Variants in SH2D1B observed in about 807,000 individuals in gnomAD.
SH2D1B encodes SH2 domain-containing protein 1B.
Under a neutral mutation model 16.3 loss-of-function variants are expected in SH2D1B, and 11 were observed. The observed-to-expected ratio is 0.67, with a 90% CI of 0.42 to 1.11. SH2D1B has a LOEUF of 1.11. SH2D1B is among the 50% of genes most tolerant of loss of function. The probability of loss-of-function intolerance (pLI) is 0.00; values close to 1 mark genes in which losing one functional copy is unlikely to be tolerated. For missense variants in SH2D1B, 123 were observed against 153.1 expected (o/e 0.80, Z 1.04); for synonymous variants, 55 against 56.1 (o/e 0.98, Z 0.09).
intron 2 of SH2D1B, among the ~76,000 whole-genome samples, chr1:162,400,740 G>T (rs1326343899): frequency 2.0e-5 from 3 of 151,988 alleles, no homozygotes; most frequent in Non-Finnish European, 4.4e-5. Context: ...TTGAGGTCAG[G>T]AGTTTGAGAC....
In SH2D1B at chr1:162,411,949, C is replaced by G; in HGVS notation, c.68G>C (p.Gly23Ala). The change falls in exon 1 of 4, where the codon GGG becomes GCG. Residue 23 changes from glycine (G) to alanine (A), a missense_variant. By Grantham distance (60) the Gly-to-Ala change is moderately conservative. Coordinates refer to ENST00000367929, the MANE Select transcript of SH2D1B (RefSeq NM_053282.5). ...TCTTAAAAGAAAGTTGCCATCCACC[C>G]CTTCCTTGAGCAGCAAGGTCTCACA... ...QDCETLLLKEGVDGNFLLRDS... is the reference protein window; with the variant it reads ...QDCETLLLKEAVDGNFLLRDS... The G allele has an allele frequency of 6.2e-7, 1 of 1,614,180 alleles. No homozygotes were observed. Among genetic ancestry groups the G allele is most frequent in the Non-Finnish European group, 8.5e-7 (1 of 1,180,040 alleles).
intron 1 of SH2D1B, among the ~76,000 whole-genome samples, chr1:162,407,173 A>G (rs1324329610): frequency 6.6e-6 from 1 of 152,226 alleles, no homozygotes; most frequent in Non-Finnish European, 1.5e-5. Context: ...AGCCCCCAAT[A>G]TTTCAACGTA....
intron 1 of SH2D1B, among the ~76,000 whole-genome samples, chr1:162,409,573 C>T (rs1648745164): frequency 6.6e-6 from 1 of 151,900 alleles, no homozygotes; most frequent in Non-Finnish European, 1.5e-5. Context: ...CAGATCTTTT[C>T]CACTCTTTGT....
chr1:162,406,006 ATCG>A (rs1469028242), intron 1 of SH2D1B, among the ~76,000 whole-genome samples: 4 of 152,172 alleles, frequency 2.6e-5, no homozygotes, highest in Admixed American at 1.3e-4. Flanking sequence ...AGGAAATGGA[ATCG>A]ACTGCACCCT....
At chr1:162,406,114 G>A (rs1648648484) in intron 1 of SH2D1B, among the ~76,000 whole-genome samples, 1 of 152,148 alleles carries the variant, frequency 6.6e-6, no homozygotes, top group African/African-American at 2.4e-5. Context: ...TTGACCTCTG[G>A]CCTTATCACT....
intron 1 of SH2D1B, 143 bp downstream of exon 1, chr1:162,411,740 G>T: frequency 9.1e-7 from 1 of 1,094,176 alleles, no homozygotes; most frequent in Non-Finnish European, 1.3e-6. Flanking sequence ...TCCTCTCCTG[G>T]CAGTGTCCAT....
At chr1:162,408,124 G>A (rs146298722) in intron 1 of SH2D1B, among the ~76,000 whole-genome samples, 117 of 152,296 alleles carry the variant, frequency 7.7e-4, no homozygotes, top group Admixed American at 1.6e-3. Context: ...CGAGTGTCTA[G>A]CACACTGTCT....
rs1052539923 is a variant in SH2D1B at position 162,395,578 on chromosome 1, G to C, written c.*1702C>G. On this transcript the variant is annotated 3_prime_UTR_variant, in exon 4 of 4. Transcript: ENST00000367929. ...AAACATAAAAAATAAATGAGCATAG[G>C]TATTGCAAGGAAAGAGAAAATAAAA... The C allele has an allele frequency of 1.3e-5, 2 of 152,048 alleles. No homozygotes were observed. The highest frequency in any genetic ancestry group is 1.9e-4 in the East Asian group (1 of 5,206). The allele number at this position is 152,048 out of a possible 1,614,324, so 9.4% of individuals were successfully genotyped here. A position where few individuals can be genotyped will look rare whatever the true frequency, so the allele number is the denominator to read the frequency against.
intron 2 of SH2D1B, 119 bp from the exon 3 acceptor site, chr1:162,399,206 A>C: frequency 1.0e-6 from 1 of 964,712 alleles, no homozygotes; most frequent in Non-Finnish European, 1.5e-6. Flanking sequence ...ACTGAAAACA[A>C]GTGGCTGGAG....
In SH2D1B at chr1:162,395,408, T is replaced by C. The variant is rs552386179; in HGVS notation, c.*1872A>G. The C allele has an allele frequency of 6.6e-6, 1 of 152,270 alleles. No homozygotes were observed. Among genetic ancestry groups the C allele is most frequent in the South Asian group, 2.1e-4 (1 of 4,832 alleles). The allele number at this position is 152,270 out of a possible 1,614,324, so 9.4% of individuals were successfully genotyped here. A position where few individuals can be genotyped will look rare whatever the true frequency, so the allele number is the denominator to read the frequency against. On this transcript the variant is annotated 3_prime_UTR_variant, in exon 4 of 4. Transcript: ENST00000367929. The stretch of plus-strand genomic sequence containing the variant: ...AATATTTCTAGTAAAAATTATAAAA[T>C]AGCCTTTAACAAGGCTACAACAAAC...
chr1:162,400,700 C>A (rs1216714085), intron 2 of SH2D1B, among the ~76,000 whole-genome samples: 1 of 151,854 alleles, frequency 6.6e-6, no homozygotes, highest in Non-Finnish European at 1.5e-5. Context: ...GTAATCCCAG[C>A]CCTTTGGGAG....
intron 2 of SH2D1B, among the ~76,000 whole-genome samples, chr1:162,400,627 A>C (rs1648492611): frequency 6.6e-6 from 1 of 151,816 alleles, no homozygotes; most frequent in African/African-American, 2.4e-5. Context: ...TTTCTAATAT[A>C]ACCTTTTAGA....
At chr1:162,401,081 G>A (rs980376865) in intron 2 of SH2D1B, among the ~76,000 whole-genome samples, 5 of 152,092 alleles carry the variant, frequency 3.3e-5, no homozygotes, top group Non-Finnish European at 7.4e-5. Context: ...TCTGATATGC[G>A]CCTGATTAAC....
At chr1:162,403,504 AAAAAAAAATATATATAT>A (rs1358372354) in intron 1 of SH2D1B, among the ~76,000 whole-genome samples, 18 of 31,776 alleles carry the variant, frequency 5.7e-4, no homozygotes, top group African/African-American at 1.6e-3. Context: ...AAAAAAAAAA[AAAAAAAAATATATATAT>A]ATATATATAT....
chr1:162,398,902 C>A (rs745907935), intron 3 of SH2D1B, 21 bp downstream of exon 3: 56 of 1,601,344 alleles, frequency 3.5e-5, no homozygotes, highest in Non-Finnish European at 4.8e-5. Context: ...TGCTTTCTGA[C>A]CCCCACGTGA....
rs933447768 is a variant in SH2D1B at position 162,411,973 on chromosome 1, C to T, written c.44G>A (p.Cys15Tyr). 1 of 1,614,030 alleles carries T rather than the reference C, an allele frequency of 6.2e-7. No individual in the cohort carries two copies. The highest frequency in any genetic ancestry group is 1.3e-5 in the African/African-American group (1 of 74,904). The change falls in exon 1 of 4, where the codon TGT becomes TAT. Residue 15 changes from cysteine (C) to tyrosine (Y), a missense_variant. Coordinates refer to ENST00000367929, the MANE Select transcript of SH2D1B (RefSeq NM_053282.5). ...CCCTTCCTTGAGCAGCAAGGTCTCA[C>T]AGTCTTGCTTGGTCAGACGTCCATG... is the stretch of plus-strand genomic sequence containing the variant. ...YYHGRLTKQD[C>Y]ETLLLKEGVD...
intron 1 of SH2D1B, among the ~76,000 whole-genome samples, chr1:162,411,134 T>G (rs1224186392): frequency 6.6e-6 from 1 of 151,722 alleles, no homozygotes; most frequent in Non-Finnish European, 1.5e-5. Context: ...TTTTGTATTT[T>G]TGGTAGAGAT....
chr1:162,404,294 C>T lies in SH2D1B; in HGVS notation c.135-1492G>A, dbSNP rs184687186. On this transcript the variant is annotated intron_variant, in intron 1 of 3. Transcript: ENST00000367929. ...GAGGCTGCAGTGAGCCGAGATGGTG[C>T]CACTGCACTCCAGCCTGGGTGACAG... 1.2e-3 allele frequency among the ~76,000 whole-genome samples: 184 copies of T among 152,156 alleles called. 2 individuals are homozygous for T. The highest frequency in any genetic ancestry group is 2.4e-3 in the Admixed American group (37 of 15,286).
At chr1:162,411,809 A>G in intron 1 of SH2D1B, 74 bp downstream of exon 1, 3 of 1,591,154 alleles carry the variant, frequency 1.9e-6, no homozygotes, top group Non-Finnish European at 2.6e-6. Context: ...AGGGATATGA[A>G]TTCCTGTACT....
Sources: allele counts gnomAD v4.1 joint callset (sites outside exome capture counted in the v4.1 genomes callset), GRCh38; gene constraint gnomAD v4.1.1; transcripts MANE v1.5; gene names NCBI Gene and HGNC (gene_info 2026-07-23, HGNC 2026-07-21).